Variants in TLK2 observed in about 807,000 individuals in gnomAD.
TLK2 encodes the protein serine/threonine-protein kinase tousled-like 2.
TLK2 carries 6 observed loss-of-function variants against 117.3 expected under a neutral mutation model. The ratio of observed to expected loss-of-function variants is 0.05; its 90% CI spans 0.03 to 0.10. The LOEUF (loss-of-function observed/expected upper bound fraction) is 0.10, where lower values mean the gene tolerates loss of function less well. Among genes scored for constraint, TLK2 ranks in the 10% least tolerant of loss-of-function variants. TLK2 has a pLI of 1.00. For synonymous variants in TLK2, 257 were observed against 316.7 expected, an observed-to-expected ratio of 0.81 and a Z score of 2.00; for missense variants, 299 against 901.2, an observed-to-expected ratio of 0.33 and a Z score of 8.56.
chr17:62,488,030 C>T (rs1467834860), intron 2 of TLK2, among the ~76,000 whole-genome samples: 1 of 152,100 alleles, frequency 6.6e-6, no homozygotes, highest in Non-Finnish European at 1.5e-5. Context: ...ATCTCCACCT[C>T]CCGGGTTCAA....
chr17:62,485,647 A>AT (rs2072253348), intron 2 of TLK2, among the ~76,000 whole-genome samples: 1 of 151,408 alleles, frequency 6.6e-6, no homozygotes, highest in African/African-American at 2.4e-5. Context: ...TGTTTAAAAG[A>AT]TTGACGTTTT....
chr17:62,606,840 A>G (rs2147263911), intron 20 of TLK2, among the ~76,000 whole-genome samples: 1 of 152,184 alleles, frequency 6.6e-6, no homozygotes. Context: ...TTGTGTATTT[A>G]TGTTCCTATT....
intron 13 of TLK2, among the ~76,000 whole-genome samples, 189 bp downstream of exon 13, chr17:62,576,964 T>C: frequency 9.5e-6 from 1 of 105,108 alleles, no homozygotes; most frequent in Non-Finnish European, 2.0e-5. Context: ...TTCTTTCTTC[T>C]TCTTTTTTTT....
intron 2 of TLK2, among the ~76,000 whole-genome samples, chr17:62,495,547 TG>T (rs2073564056): frequency 6.6e-6 from 1 of 151,516 alleles, no homozygotes; most frequent in Non-Finnish European, 1.5e-5. Context: ...CCCAAAGTGA[TG>T]GGATTACATG....
intron 2 of TLK2, among the ~76,000 whole-genome samples, chr17:62,514,246 C>T (rs181134551): frequency 7.9e-5 from 12 of 151,118 alleles, no homozygotes; most frequent in African/African-American, 2.7e-4. Flanking sequence ...TGGGTTCAAG[C>T]GATTCTTCTG....
At chr17:62,519,813 C>T (rs1021026378) in intron 2 of TLK2, among the ~76,000 whole-genome samples, 21 of 152,116 alleles carry the variant, frequency 1.4e-4, no homozygotes, top group African/African-American at 3.9e-4. Context: ...AGTTATAAAA[C>T]GAAGGCTCCT....
At chr17:62,568,978 A>G (rs1206787931) in intron 11 of TLK2, among the ~76,000 whole-genome samples, 1 of 152,070 alleles carries the variant, frequency 6.6e-6, no homozygotes, top group Non-Finnish European at 1.5e-5. Flanking sequence ...CCCAGTTTAT[A>G]CAGAATATAT....
intron 8 of TLK2, 21 bp from the exon 9 acceptor site, chr17:62,553,642 G>A (rs750611943): frequency 1.3e-6 from 2 of 1,547,380 alleles, no homozygotes; most frequent in Non-Finnish European, 1.8e-6. Context: ...TCCTAAATTT[G>A]TTTTACCTTT....
At chr17:62,504,673 C>T (rs139947434) in intron 2 of TLK2, among the ~76,000 whole-genome samples, 188 of 152,114 alleles carry the variant, frequency 1.2e-3, no homozygotes, top group African/African-American at 4.3e-3. Context: ...CCGGACATGG[C>T]GGCATGAACT....
intron 20 of TLK2, among the ~76,000 whole-genome samples, chr17:62,607,595 T>C (rs1388905310): frequency 6.6e-6 from 1 of 152,156 alleles, no homozygotes; most frequent in African/African-American, 2.4e-5. Context: ...CAACTCTTTC[T>C]TTTTCCCACT....
At chr17:62,505,353 C>T (rs956760638) in intron 2 of TLK2, among the ~76,000 whole-genome samples, 3 of 148,398 alleles carry the variant, frequency 2.0e-5, no homozygotes, top group African/African-American at 7.5e-5. Flanking sequence ...AAGTGATCCT[C>T]ACAACTCAGC....
At chr17:62,604,420 A>G (rs113519469) in intron 19 of TLK2, among the ~76,000 whole-genome samples, 3 of 136,072 alleles carry the variant, frequency 2.2e-5, no homozygotes, top group Non-Finnish European at 4.8e-5. Flanking sequence ...ATATATATAT[A>G]TTTTTAGCAC....
intron 2 of TLK2, among the ~76,000 whole-genome samples, chr17:62,482,883 G>A (rs1207496538): frequency 1.3e-5 from 2 of 152,204 alleles, no homozygotes; most frequent in East Asian, 3.8e-4. Flanking sequence ...AGATGATACC[G>A]TGATGAGATC....
At chr17:62,516,866 A>G (rs2075641819) in intron 2 of TLK2, 2 of 731,824 alleles carry the variant, frequency 2.7e-6, no homozygotes, top group Admixed American at 4.8e-5. Context: ...GCATGTGGTA[A>G]TGGTCCAACT....
chr17:62,601,427 G>A (rs1248823586), intron 18 of TLK2, among the ~76,000 whole-genome samples: 1 of 152,182 alleles, frequency 6.6e-6, no homozygotes, highest in Non-Finnish European at 1.5e-5. Context: ...TTCTGGTGTT[G>A]CAAAATTGTA....
At chr17:62,508,709 G>A (rs748892353) in intron 2 of TLK2, among the ~76,000 whole-genome samples, 2 of 152,240 alleles carry the variant, frequency 1.3e-5, no homozygotes, top group Non-Finnish European at 2.9e-5. Context: ...TTTCACGCCT[G>A]TAATCGCAGC....
intron 10 of TLK2, among the ~76,000 whole-genome samples, chr17:62,562,094 T>C (rs1370795157): frequency 2.0e-5 from 3 of 152,202 alleles, no homozygotes; most frequent in Admixed American, 6.5e-5. Flanking sequence ...GTGTGGTGGC[T>C]CACGCCTGTA....
rs940799107 is a variant in TLK2 at position 62,614,884 on chromosome 17, C to T, written c.*2319C>T. 6.6e-6 allele frequency: 1 copy of T among 152,198 alleles called. No individual in the cohort carries two copies. Among genetic ancestry groups the T allele is most frequent in the Non-Finnish European group, 1.5e-5 (1 of 68,026 alleles). 9.4% of individuals were successfully genotyped at this position (152,198 alleles called of 1,614,324 possible). ...ACATGGATGAAGCTGAGACCGTGTT[C>T]AAACTCACTGAAAACAATGAAGTTC... On this transcript the variant is annotated 3_prime_UTR_variant, in exon 22 of 22. Coordinates refer to ENST00000346027, the MANE Select transcript of TLK2 (RefSeq NM_006852.6).
chr17:62,553,054 C>T (rs2078594414), intron 8 of TLK2, among the ~76,000 whole-genome samples: 1 of 152,056 alleles, frequency 6.6e-6, no homozygotes. Context: ...GCTATAGCTT[C>T]CATTTTGTAG....
Sources: gnomAD v4.1 joint callset for allele counts (sites outside exome capture counted in the v4.1 genomes callset) on GRCh38, gnomAD v4.1.1 for gene constraint, MANE v1.5 for transcripts, NCBI Gene and HGNC (gene_info 2026-07-23, HGNC 2026-07-21) for gene names.